INPP5A: variants seen among roughly 807,000 people sequenced by gnomAD.
INPP5A encodes 43 kDa inositol polyphosphate 5-phophatase.
In INPP5A, 14 loss-of-function variants were observed where a neutral mutation model predicts 65.2. The ratio of observed to expected loss-of-function variants is 0.21; its 90% CI spans 0.14 to 0.34. The LOEUF (loss-of-function observed/expected upper bound fraction) is 0.34, where lower values mean the gene tolerates loss of function less well. INPP5A is among the 10% of genes least tolerant of loss of function. The probability of loss-of-function intolerance (pLI) is 1.00; values close to 1 mark genes in which losing one functional copy is unlikely to be tolerated. For synonymous variants in INPP5A, 207 were observed against 208.3 expected (o/e 0.99, Z 0.05); for missense variants, 431 against 545.6 (o/e 0.79, Z 2.09).
intron 11 of INPP5A, among the ~76,000 whole-genome samples, chr10:132,759,142 C>T (rs1236624876): frequency 6.6e-6 from 1 of 152,212 alleles, no homozygotes; most frequent in African/African-American, 2.4e-5. Flanking sequence ...GTCAGCGTGG[C>T]CCAGGCCTCA....
At chr10:132,574,284 C>T (rs1474105481) in intron 1 of INPP5A, among the ~76,000 whole-genome samples, 16 of 110,040 alleles carry the variant, frequency 1.5e-4, no homozygotes, top group African/African-American at 5.3e-4. Context: ...TTGGGGTGTG[C>T]GTGCCGTGGG....
intron 4 of INPP5A, among the ~76,000 whole-genome samples, chr10:132,673,590 T>C (rs530936343): frequency 2.5e-3 from 379 of 152,302 alleles, no homozygotes; most frequent in African/African-American, 8.6e-3. Flanking sequence ...GTGAATTCCA[T>C]GAGCATGAGC....
At chr10:132,703,852 A>G in intron 6 of INPP5A, among the ~76,000 whole-genome samples, 1 of 21,660 alleles carries the variant, frequency 4.6e-5, no homozygotes, top group East Asian at 1.5e-3. Context: ...CCACACACAC[A>G]AGCTTCACCC....
chr10:132,588,536 G>T (rs530461421), intron 1 of INPP5A, among the ~76,000 whole-genome samples: 3 of 152,372 alleles, frequency 2.0e-5, no homozygotes, highest in African/African-American at 7.2e-5. Flanking sequence ...TTTCCACAGG[G>T]ATAAGCGAGT....
intron 11 of INPP5A, among the ~76,000 whole-genome samples, chr10:132,756,521 C>T (rs536028248): frequency 3.3e-5 from 5 of 152,340 alleles, no homozygotes; most frequent in Admixed American, 6.5e-5. Flanking sequence ...AGCTTCCTCT[C>T]GCTGTGTGAT....
At chr10:132,764,116 A>G (rs1384764524) in intron 11 of INPP5A, among the ~76,000 whole-genome samples, 1 of 152,252 alleles carries the variant, frequency 6.6e-6, no homozygotes, top group Non-Finnish European at 1.5e-5. Context: ...GGGGCTGTGA[A>G]CGCCTGTGCT....
chr10:132,683,369 C>T (rs1159065834), intron 4 of INPP5A, among the ~76,000 whole-genome samples: 1 of 151,762 alleles, frequency 6.6e-6, no homozygotes, highest in African/African-American at 2.4e-5. Flanking sequence ...TACATATGCA[C>T]ACACGTTTAA....
At chr10:132,689,936 G>A (rs933561165) in intron 4 of INPP5A, among the ~76,000 whole-genome samples, 7 of 152,254 alleles carry the variant, frequency 4.6e-5, no homozygotes, top group Admixed American at 2.0e-4. Flanking sequence ...GGACGAAGCC[G>A]AGCATCAGTG....
At chr10:132,708,898 G>A (rs944336766) in intron 7 of INPP5A, among the ~76,000 whole-genome samples, 2 of 152,160 alleles carry the variant, frequency 1.3e-5, no homozygotes, top group South Asian at 4.1e-4. Context: ...TTCCTAAGGT[G>A]GCTTCCAGGT....
At chr10:132,729,593 C>T (rs926199132) in intron 9 of INPP5A, among the ~76,000 whole-genome samples, 25 of 152,148 alleles carry the variant, frequency 1.6e-4, no homozygotes, top group African/African-American at 5.3e-4. Flanking sequence ...AGACCATGCT[C>T]GCCCCCACCT....
rs1035078079 is a variant in INPP5A, at chr10:132,549,350, T to C, written c.75+11179T>C. On this transcript the variant is annotated intron_variant, in intron 1 of 15. Coordinates refer to ENST00000368594, the MANE Select transcript of INPP5A (RefSeq NM_005539.5). The surrounding 1 kb of genome is among the most constrained non-coding windows in gnomAD (Gnocchi z 4.9). The stretch of plus-strand genomic sequence containing the variant: ...CCCGTCGAGTGGTGTGGAAGGACTC[T>C]AGCTCTTCTGCATCATGCCAGCACT... 5.9e-5 allele frequency among the ~76,000 whole-genome samples: 9 copies of C among 152,202 alleles called. No individual in the cohort carries two copies. Among genetic ancestry groups the C allele is most frequent in the African/African-American group, 1.7e-4 (7 of 41,442 alleles).
chr10:132,701,643 T>C (rs1845439267), intron 6 of INPP5A, among the ~76,000 whole-genome samples: 1 of 152,156 alleles, frequency 6.6e-6, no homozygotes, highest in Non-Finnish European at 1.5e-5. Flanking sequence ...GGGTGTGGGG[T>C]GCATCCACCT....
intron 1 of INPP5A, among the ~76,000 whole-genome samples, chr10:132,576,019 A>T (rs1648887417): frequency 6.6e-6 from 1 of 152,118 alleles, no homozygotes; most frequent in South Asian, 2.1e-4. Context: ...TCCACCACAG[A>T]TGCCACCTGA....
At chr10:132,576,926 ATGC>A (rs1262543580) in intron 1 of INPP5A, among the ~76,000 whole-genome samples, 1 of 152,192 alleles carries the variant, frequency 6.6e-6, no homozygotes, top group East Asian at 1.9e-4. Flanking sequence ...TGTTCCCAGA[ATGC>A]TGGTCACACC....
At chr10:132,720,046 T>TG (rs1402514224) in intron 8 of INPP5A, among the ~76,000 whole-genome samples, 1 of 102,230 alleles carries the variant, frequency 9.8e-6, no homozygotes, top group Non-Finnish European at 2.1e-5. Flanking sequence ...GGCTGTCTTG[T>TG]GGGTTCTGTG....
Position 132,684,440 on chromosome 10 carries a change from T to C in INPP5A, c.307-5952T>C, listed in dbSNP as rs1247205069. 2.0e-5 allele frequency among the ~76,000 whole-genome samples: 3 copies of C among 152,290 alleles called. No individual in the cohort carries two copies. The South Asian group carries it at 6.2e-4, about 32-fold the overall frequency. The stretch of plus-strand genomic sequence containing the variant: ...CATATGTATGTTTGTCTATAGTGTA[T>C]ATGGATGTGGGTTATGTACATGTGT... On this transcript the variant is annotated intron_variant, in intron 4 of 15. Coordinates refer to ENST00000368594, the MANE Select transcript of INPP5A (RefSeq NM_005539.5).
At chr10:132,686,696 T>C (rs1009175238) in intron 4 of INPP5A, among the ~76,000 whole-genome samples, 2 of 152,278 alleles carry the variant, frequency 1.3e-5, no homozygotes, top group Non-Finnish European at 2.9e-5. Context: ...GCAAACTTTA[T>C]AATATTCTGT....
Position 132,627,970 on chromosome 10 carries a change from G to T in INPP5A, c.118-17898G>T, listed in dbSNP as rs945501161. On this transcript the variant is annotated intron_variant, in intron 2 of 15. Transcript: ENST00000368594. The surrounding 1 kb of genome is among the most constrained non-coding windows in gnomAD (Gnocchi z 6.6). ...CTGACTCGGTGACTTTGTTGTTGAT[G>T]TTGATGTCTTCACTGGTTGCCATTG... Among the ~76,000 whole-genome samples the T allele has an allele frequency of 3.8e-4, 58 of 152,202 alleles. No individual in the cohort carries two copies. The highest frequency in any genetic ancestry group is 6.9e-4 in the Non-Finnish European group (47 of 68,030).
At chr10:132,649,746 C>T (rs973057821) in intron 3 of INPP5A, among the ~76,000 whole-genome samples, 1 of 152,152 alleles carries the variant, frequency 6.6e-6, no homozygotes, top group African/African-American at 2.4e-5. Flanking sequence ...GCAGACGGGG[C>T]CTCGTCCTCC....
Sources: gnomAD v4.1 joint callset for allele counts (sites outside exome capture counted in the v4.1 genomes callset) on GRCh38, gnomAD v4.1.1 for gene constraint, Gnocchi (gnomAD v3.1) non-coding constraint, MANE v1.5 for transcripts, NCBI Gene and HGNC (gene_info 2026-07-23, HGNC 2026-07-21) for gene names.